GSN: variants seen among roughly 807,000 people sequenced by gnomAD.
GSN encodes gelsolin, also known as actin-depolymerizing factor.
A neutral mutation model predicts 85.7 loss-of-function variants in GSN; 56 were observed. The ratio of observed to expected loss-of-function variants is 0.65; its 90% confidence interval spans 0.53 to 0.82. The LOEUF (loss-of-function observed/expected upper bound fraction) is 0.82. GSN is among the 40% of genes least tolerant of loss of function. The pLI is 0.00. For missense variants in GSN, 857 were observed against 979.8 expected (o/e 0.87, Z 1.67); for synonymous variants, 373 against 399.1 (o/e 0.93, Z 0.78).
rs1488398937 is a variant in GSN, at chr9:121,332,708, G to A, written c.*105G>A. On this transcript the variant is annotated 3_prime_UTR_variant, in exon 18 of 18. Coordinates refer to ENST00000432226, the MANE Select transcript of GSN (RefSeq NM_198252.3). The surrounding 1 kb of genome is among the most constrained non-coding windows in gnomAD (Gnocchi z 4.8). ...GAGCAGCTCTGCTATGAGTGTGTGT[G>A]TGTGTGTGTGTTGTTTCTTTTTTTT... is the stretch of plus-strand genomic sequence containing the variant. The A allele has an allele frequency of 9.2e-6, 7 of 761,072 alleles. No individual in the cohort carries two copies. Among genetic ancestry groups the A allele is most frequent in the Middle Eastern group, 3.8e-4 (1 of 2,624 alleles). The allele number at this position is 761,072 out of a possible 1,614,324, so 47.1% of individuals were successfully genotyped here.
At chr9:121,288,829 A>T (rs1474741879) in intron 2 of GSN, among the ~76,000 whole-genome samples, 1 of 152,202 alleles carries the variant, frequency 6.6e-6, no homozygotes, top group Non-Finnish European at 1.5e-5. Context: ...CATGGTATAG[A>T]GTCTGTCACA....
rs141445999 is a variant in GSN, at chr9:121,226,084, G to A, written c.-527-5081G>A. Among the ~76,000 whole-genome samples the A allele has an allele frequency of 1.7e-3, 255 of 152,300 alleles. 1 individual carries two copies. Among genetic ancestry groups the A allele is most frequent in the African/African-American group, 5.8e-3 (241 of 41,572 alleles). Reference sequence around the variant, plus strand: ...CTCCCAAAGTGCTGGGATTACAGGCGTGAGCCACTGCGCCCGGCAGAGCCT... The same window carrying A: ...CTCCCAAAGTGCTGGGATTACAGGCATGAGCCACTGCGCCCGGCAGAGCCT... On this transcript the variant is annotated intron_variant, in intron 4 of 24. Coordinates refer to the GSN transcript ENST00000373823.
At chr9:121,306,198 G>A (rs1487576400) in intron 4 of GSN, among the ~76,000 whole-genome samples, 1 of 152,122 alleles carries the variant, frequency 6.6e-6, no homozygotes, top group Non-Finnish European at 1.5e-5. Flanking sequence ...AGAGACCTAG[G>A]AGCCCTTGGA....
At chr9:121,283,065 C>G (rs989574627) in intron 2 of GSN, 1 of 167,412 alleles carries the variant, frequency 6.0e-6, no homozygotes, top group African/African-American at 2.4e-5. Context: ...ACTCCATGTG[C>G]CAGTCTCTAG....
At chr9:121,217,886 C>T (rs565474290) in intron 4 of GSN, among the ~76,000 whole-genome samples, 2 of 150,768 alleles carry the variant, frequency 1.3e-5, no homozygotes, top group Non-Finnish European at 3.0e-5. Context: ...TCTACCCAAC[C>T]GTTAATACTG....
chr9:121,272,900 C>G (rs1203830757), intron 1 of GSN, among the ~76,000 whole-genome samples: 4 of 152,138 alleles, frequency 2.6e-5, no homozygotes, highest in Admixed American at 6.6e-5. Context: ...TGAGGAAACT[C>G]AGGCCTGGAG....
At chr9:121,271,025 G>C (rs771709470) in intron 1 of GSN, among the ~76,000 whole-genome samples, 4 of 152,100 alleles carry the variant, frequency 2.6e-5, no homozygotes, top group Non-Finnish European at 5.9e-5. Flanking sequence ...CTGAGCCTCT[G>C]GTTCCTCATG....
At chr9:121,302,443 G>A (rs189117369) in intron 3 of GSN, among the ~76,000 whole-genome samples, 1 of 152,272 alleles carries the variant, frequency 6.6e-6, no homozygotes, top group African/African-American at 2.4e-5. Context: ...AATGTTGTGA[G>A]CGTTAAACAC....
rs2061945296 is a variant in GSN at position 121,318,192 on chromosome 9, G to A, written c.887-214G>A. Among the ~76,000 whole-genome samples, 2 of 152,364 alleles carry A rather than the reference G, an allele frequency of 1.3e-5. No individual in the cohort carries two copies. The highest frequency in any genetic ancestry group is 4.1e-4 in the South Asian group (2 of 4,832). ...ATACATGCTCACTAAATGGACCACA[G>A]TAGTGTTGTGATTGGTGTCACTGGC... On this transcript the variant is annotated intron_variant, in intron 8 of 17. Transcript: ENST00000432226. This position sits in a 1 kb window ranked among gnomAD's most constrained non-coding sequence, Gnocchi z 4.3.
intron 3 of GSN, 77 bp downstream of exon 3, chr9:121,302,244 G>T: frequency 6.7e-7 from 1 of 1,492,290 alleles, no homozygotes; most frequent in South Asian, 1.1e-5. Context: ...GGTCCCCAGG[G>T]AGGGAACTGA....
Position 121,302,916 on chromosome 9 carries a change from G to T in GSN, c.202G>T (p.Glu68Ter), listed in dbSNP as rs755696871. ...QYDLHYWLGN[E>*]CSQDESGAAA... Reference sequence around the variant, plus strand: ...ATTGCTCTGATGTCCCGTAGGCAATGAGTGCAGCCAGGATGAGAGCGGGGC... The same window carrying T: ...ATTGCTCTGATGTCCCGTAGGCAATTAGTGCAGCCAGGATGAGAGCGGGGC... Residue 68 changes from glutamate to a stop codon, truncating the protein, a stop_gained, in exon 4 of 18, where the codon GAG becomes TAG. Coordinates refer to ENST00000432226, the MANE Select transcript of GSN (RefSeq NM_198252.3). LOFTEE classifies it high-confidence loss of function. 1 of 1,613,806 alleles carries T rather than the reference G, an allele frequency of 6.2e-7. No homozygotes were observed. The highest frequency in any genetic ancestry group is 1.1e-5 in the South Asian group (1 of 91,064).
chr9:121,315,061 AT>A (rs1156367830), intron 7 of GSN, among the ~76,000 whole-genome samples: 1 of 152,144 alleles, frequency 6.6e-6, no homozygotes, highest in Non-Finnish European at 1.5e-5. Context: ...AGGTTTTGCC[AT>A]GTTGCCCAGG....
At chr9:121,212,329 C>T (rs2053983136) in intron 4 of GSN, among the ~76,000 whole-genome samples, 3 of 152,144 alleles carry the variant, frequency 2.0e-5, no homozygotes, top group Admixed American at 2.0e-4. Context: ...CTCTCTGGGC[C>T]TCAGTTTCCT....
intron 4 of GSN, among the ~76,000 whole-genome samples, chr9:121,307,705 G>C (rs1325009092): frequency 2.0e-5 from 3 of 152,238 alleles, no homozygotes; most frequent in Non-Finnish European, 4.4e-5. Context: ...GCAAAGCTCG[G>C]TAAGTGGCAG....
chr9:121,299,622 C>A lies in GSN; in HGVS notation c.-9-2341C>A, dbSNP rs7875427. 1,470 of 501,728 alleles carry A rather than the reference C, an allele frequency of 2.9e-3. 28 individuals carry two copies. The highest frequency in any genetic ancestry group is 0.029 in the African/African-American group (1,384 of 48,164). The allele number at this position is 501,728 out of a possible 1,614,324, so 31.1% of individuals were successfully genotyped here. A position where few individuals can be genotyped will look rare whatever the true frequency, so the allele number is the denominator to read the frequency against. On this transcript the variant is annotated intron_variant, in intron 2 of 17. Coordinates refer to ENST00000432226, the MANE Select transcript of GSN (RefSeq NM_198252.3). This position sits in a 1 kb window ranked among gnomAD's most constrained non-coding sequence, Gnocchi z 4.2. Reference sequence around the variant, plus strand: ...CCATTTAGTGTGCACACAGCTAGCGCCCGCCGTATGTCAGGCCTGGTGCTG... The same window carrying A: ...CCATTTAGTGTGCACACAGCTAGCGACCGCCGTATGTCAGGCCTGGTGCTG...
chr9:121,311,693 T>C (rs546434170), intron 5 of GSN: 11 of 152,688 alleles, frequency 7.2e-5, no homozygotes, highest in African/African-American at 2.6e-4. Context: ...CTGAACTTTA[T>C]AGACACGGAA....
At chr9:121,250,225 G>C (rs931748008) in intron 6 of GSN, among the ~76,000 whole-genome samples, 2 of 122,892 alleles carry the variant, frequency 1.6e-5, no homozygotes, top group Non-Finnish European at 3.2e-5. Flanking sequence ...TTTTTTTTGA[G>C]ATGGAGTCTC....
chr9:121,326,782 TGAATGACGGG>T (rs1299177138), intron 13 of GSN, 100 bp downstream of exon 13: 3 of 1,073,978 alleles, frequency 2.8e-6, no homozygotes, highest in Non-Finnish European at 4.4e-6. Context: ...CAGGGGATGG[TGAATGACGGG>T]GTAAGAAGCA....
At chr9:121,279,385 G>A (rs2057059759) in intron 1 of GSN, among the ~76,000 whole-genome samples, 1 of 152,144 alleles carries the variant, frequency 6.6e-6, no homozygotes, top group African/African-American at 2.4e-5. Context: ...CATTGTAGGA[G>A]GGAGAGGTTG....
Sources: allele counts gnomAD v4.1 joint callset (sites outside exome capture counted in the v4.1 genomes callset), GRCh38; gene constraint gnomAD v4.1.1; non-coding constraint Gnocchi (gnomAD v3.1); transcripts MANE v1.5; gene names NCBI Gene and HGNC (gene_info 2026-07-23, HGNC 2026-07-21).